The following SUPT3H variants were observed in gnomAD, a reference collection of about 807,000 sequenced individuals.
SUPT3H encodes the protein transcription initiation protein SPT3 homolog.
In SUPT3H, 44 loss-of-function variants were observed where a neutral mutation model predicts 44.3. That is an observed-to-expected ratio of 0.99 (90% CI 0.78 to 1.28). The LOEUF (loss-of-function observed/expected upper bound fraction) is 1.28. Ranked by LOEUF, SUPT3H falls within the 50% of genes most tolerant of loss-of-function variation. The pLI, the probability that SUPT3H is intolerant of heterozygous loss-of-function variation, is 0.00. For synonymous variants in SUPT3H, 124 were observed against 125.6 expected, an observed-to-expected ratio of 0.99 and a Z score of 0.09; for missense variants, 380 against 387.1, an observed-to-expected ratio of 0.98 and a Z score of 0.15.
In SUPT3H at chr6:44,829,679, C is replaced by A; in HGVS notation, c.*137G>T. 1.1e-6 allele frequency: 1 copy of A among 908,498 alleles called. No individual in the cohort carries two copies. The highest frequency in any genetic ancestry group is 1.7e-6 in the Non-Finnish European group (1 of 587,382). The allele number at this position is 908,498 out of a possible 1,614,324, so 56.3% of individuals were successfully genotyped here. A position where few individuals can be genotyped will look rare whatever the true frequency, so the allele number is the denominator to read the frequency against. ...GGGGCTGGAAAAGAGGAGGAGTCAG[C>A]AAGTTGAAAGTCACAACAGACCAGC... is the stretch of plus-strand genomic sequence containing the variant. On this transcript the variant is annotated 3_prime_UTR_variant, in exon 11 of 11. Transcript: ENST00000371459.
At position 45,241,208 on chromosome 6, in the gene SUPT3H, C is replaced by T. The variant is rs556086535; in HGVS notation, c.101+123993G>A. ...AAAGGGGGACATGTTGGGAACAGGC[C>T]CCCCCCCAAATCTTGCCATAAGCTG... On this transcript the variant is annotated intron_variant, in intron 2 of 10. Coordinates refer to ENST00000371459, the MANE Select transcript of SUPT3H (RefSeq NM_003599.4). 2.8e-5 allele frequency among the ~76,000 whole-genome samples: 4 copies of T among 142,498 alleles called. No homozygotes were observed. In the East Asian group the frequency reaches 7.8e-4, roughly 28 times the overall value. 93.5% of individuals were successfully genotyped at this position (142,498 alleles called of 152,430 possible).
At chr6:44,881,981 A>G (rs1273416685) in intron 10 of SUPT3H, among the ~76,000 whole-genome samples, 2 of 152,196 alleles carry the variant, frequency 1.3e-5, no homozygotes, top group African/African-American at 4.8e-5. Context: ...AAAGAACTAG[A>G]GAAGCAAGAG....
At chr6:44,922,155 GTGGGGA>G (rs138896235) in intron 10 of SUPT3H, among the ~76,000 whole-genome samples, 31,035 of 152,046 alleles carry the variant, frequency 0.2, 3,821 homozygotes, top group Non-Finnish European at 0.29. Flanking sequence ...GAGGCAGTAT[GTGGGGA>G]TGGGAGATTT....
At chr6:44,856,335 C>T (rs544264732) in intron 10 of SUPT3H, among the ~76,000 whole-genome samples, 15 of 152,282 alleles carry the variant, frequency 9.9e-5, no homozygotes, top group African/African-American at 3.6e-4. Flanking sequence ...AATTATAGTG[C>T]TTCTGCCAGA....
At chr6:45,118,900 T>C (rs1801209552) in intron 2 of SUPT3H, among the ~76,000 whole-genome samples, 1 of 152,170 alleles carries the variant, frequency 6.6e-6, no homozygotes, top group Non-Finnish European at 1.5e-5. Context: ...CTTAAGCATT[T>C]CAACTTGCAC....
chr6:45,003,269 A>G (rs1009916411), intron 6 of SUPT3H, among the ~76,000 whole-genome samples: 1 of 152,168 alleles, frequency 6.6e-6, no homozygotes, highest in African/African-American at 2.4e-5. Flanking sequence ...TCTTCACACT[A>G]TATATGCCAA....
At chr6:45,081,436 T>C (rs1038393792) in intron 3 of SUPT3H, among the ~76,000 whole-genome samples, 4 of 152,130 alleles carry the variant, frequency 2.6e-5, no homozygotes, top group Non-Finnish European at 5.9e-5. Flanking sequence ...ATTTCCTTCA[T>C]AGTAGTTAAC....
intron 2 of SUPT3H, among the ~76,000 whole-genome samples, chr6:45,290,461 A>T (rs1431341878): frequency 6.6e-6 from 1 of 151,232 alleles, no homozygotes; most frequent in African/African-American, 2.4e-5. Context: ...ATGATCAAAA[A>T]AAAAAAAAAA....
At chr6:45,283,153 G>A (rs1197507453) in intron 2 of SUPT3H, among the ~76,000 whole-genome samples, 5 of 152,094 alleles carry the variant, frequency 3.3e-5, no homozygotes, top group East Asian at 1.9e-4. Context: ...AAAGACCATC[G>A]AGGCTAGGAA....
At chr6:45,119,017 C>T (rs1484741120) in intron 2 of SUPT3H, among the ~76,000 whole-genome samples, 1 of 152,140 alleles carries the variant, frequency 6.6e-6, no homozygotes, top group Non-Finnish European at 1.5e-5. Context: ...GTTGAGTTAT[C>T]ATAGATCAGC....
At chr6:45,077,643 G>GAAAAA (rs1562409036) in intron 3 of SUPT3H, among the ~76,000 whole-genome samples, 2 of 57,664 alleles carry the variant, frequency 3.5e-5, no homozygotes, top group Non-Finnish European at 6.3e-5. Context: ...AAAAAAAAAA[G>GAAAAA]AAAAGAAAAA....
At chr6:45,176,527 T>C (rs1811915327) in intron 2 of SUPT3H, among the ~76,000 whole-genome samples, 2 of 151,992 alleles carry the variant, frequency 1.3e-5, no homozygotes, top group South Asian at 2.1e-4. Context: ...CAGGCTTGCT[T>C]AGGTAAACAA....
At chr6:45,139,921 T>G (rs1019142069) in intron 2 of SUPT3H, among the ~76,000 whole-genome samples, 7 of 152,228 alleles carry the variant, frequency 4.6e-5, no homozygotes, top group Non-Finnish European at 8.8e-5. Context: ...AAACGGGAAC[T>G]GCTACAGACA....
chr6:45,084,244 G>A (rs568251261), intron 3 of SUPT3H, among the ~76,000 whole-genome samples: 106 of 152,216 alleles, frequency 7.0e-4, no homozygotes, highest in Non-Finnish European at 1.1e-3. Context: ...AAATACCCAT[G>A]CGACAAAGGT....
chr6:45,358,404 C>T (rs1793628978), intron 2 of SUPT3H, among the ~76,000 whole-genome samples: 2 of 152,174 alleles, frequency 1.3e-5, no homozygotes, highest in Admixed American at 6.5e-5. Flanking sequence ...AAATTTCTAT[C>T]ACTGTGGAAA....
chr6:45,098,836 G>T, intron 3 of SUPT3H: 1 of 547,704 alleles, frequency 1.8e-6, no homozygotes, highest in East Asian at 4.8e-5. Flanking sequence ...GGTTTCCACA[G>T]GGCAGGCTGC....
At chr6:45,320,941 T>C (rs1785391126) in intron 2 of SUPT3H, among the ~76,000 whole-genome samples, 1 of 152,156 alleles carries the variant, frequency 6.6e-6, no homozygotes, top group Admixed American at 6.5e-5. Context: ...GTATTTAATG[T>C]AAATAAACTT....
chr6:44,905,258 T>C (rs1384398677), intron 10 of SUPT3H, among the ~76,000 whole-genome samples: 1 of 152,162 alleles, frequency 6.6e-6, no homozygotes, highest in Non-Finnish European at 1.5e-5. Context: ...AGAAAATTTT[T>C]GCAATCTACT....
intron 2 of SUPT3H, among the ~76,000 whole-genome samples, chr6:45,131,651 C>T (rs888335918): frequency 4.6e-5 from 7 of 152,058 alleles, no homozygotes; most frequent in South Asian, 2.1e-4. Context: ...TTCAGATTGA[C>T]GGAATATGTA....
Sources: gnomAD v4.1 joint callset for allele counts (sites outside exome capture counted in the v4.1 genomes callset) on GRCh38, gnomAD v4.1.1 for gene constraint, MANE v1.5 for transcripts, NCBI Gene and HGNC (gene_info 2026-07-23, HGNC 2026-07-21) for gene names.